PRR16: variants seen among roughly 807,000 people sequenced by gnomAD.
PRR16 encodes the protein protein Largen.
PRR16 carries 6 observed loss-of-function variants against 18.2 expected under a neutral mutation model. The observed-to-expected ratio is 0.33, with a 90% CI of 0.18 to 0.65. The LOEUF is 0.65. Ranked by LOEUF, PRR16 falls within the 30% of genes least tolerant of loss-of-function variation. The probability of loss-of-function intolerance (pLI) is 0.74; values close to 1 mark genes in which losing one functional copy is unlikely to be tolerated. For synonymous variants in PRR16, 151 were observed against 147.8 expected, an observed-to-expected ratio of 1.02 and a Z score of -0.16; for missense variants, 412 against 376.6, an observed-to-expected ratio of 1.09 and a Z score of -0.78.
At chr5:120,562,093 A>G (rs1422515581) in intron 1 of PRR16, among the ~76,000 whole-genome samples, 1 of 152,224 alleles carries the variant, frequency 6.6e-6, no homozygotes, top group Admixed American at 6.5e-5. Flanking sequence ...GTCTCCATGT[A>G]TTATTGTATC....
the PRR16 span, among the ~76,000 whole-genome samples, chr5:120,700,619 T>C: frequency 6.6e-6 from 1 of 152,008 alleles, no homozygotes; most frequent in Middle Eastern, 3.4e-3. Context: ...AAGAGTATTG[T>C]CCAAGTTGGC....
chr5:120,642,392 A>G (rs567995474), intron 1 of PRR16, among the ~76,000 whole-genome samples: 1 of 152,196 alleles, frequency 6.6e-6, no homozygotes, highest in South Asian at 2.1e-4. Flanking sequence ...AGAGATGTAA[A>G]GAGATGGTGG....
intron 1 of PRR16, among the ~76,000 whole-genome samples, chr5:120,668,818 A>G (rs1000847817): frequency 6.6e-6 from 1 of 152,248 alleles, no homozygotes; most frequent in African/African-American, 2.4e-5. Flanking sequence ...TTCTGCCGAG[A>G]GATCAGCTGT....
At chr5:120,717,711 TCCTC>T in the PRR16 span, among the ~76,000 whole-genome samples, 1 of 152,148 alleles carries the variant, frequency 6.6e-6, no homozygotes, top group Non-Finnish European at 1.5e-5. Context: ...TGATGTAATA[TCCTC>T]CCTCATCTGC....
At chr5:120,671,597 C>T (rs1306554337) in intron 1 of PRR16, among the ~76,000 whole-genome samples, 1 of 152,054 alleles carries the variant, frequency 6.6e-6, no homozygotes, top group Non-Finnish European at 1.5e-5. Flanking sequence ...GTATAATTTA[C>T]TAAAATTTGC....
intron 1 of PRR16, among the ~76,000 whole-genome samples, chr5:120,489,112 A>T (rs1242117786): frequency 1.3e-5 from 2 of 152,172 alleles, no homozygotes; most frequent in Non-Finnish European, 2.9e-5. Context: ...GTGGTGCTGA[A>T]AAGAATGTAT....
chr5:120,547,492 C>T (rs1366084317), intron 1 of PRR16, among the ~76,000 whole-genome samples: 2 of 152,026 alleles, frequency 1.3e-5, no homozygotes, highest in African/African-American at 2.4e-5. Context: ...AAACTTAGAG[C>T]CTCTGTTTAC....
At chr5:120,571,170 C>A (rs1025297100) in intron 1 of PRR16, among the ~76,000 whole-genome samples, 1 of 152,112 alleles carries the variant, frequency 6.6e-6, no homozygotes, top group Non-Finnish European at 1.5e-5. Context: ...AAAACTAATA[C>A]ACAAACAGAG....
chr5:120,608,747 C>T (rs566417127), intron 1 of PRR16, among the ~76,000 whole-genome samples: 7 of 152,184 alleles, frequency 4.6e-5, no homozygotes, highest in South Asian at 2.1e-4. Flanking sequence ...ACCCCCTAGA[C>T]GGTGTTTCAT....
chr5:120,478,015 A>G (rs1749498445), intron 1 of PRR16, among the ~76,000 whole-genome samples: 1 of 151,970 alleles, frequency 6.6e-6, no homozygotes, highest in Non-Finnish European at 1.5e-5. Context: ...ATACCGAACA[A>G]TTTATTTCTC....
In PRR16 at chr5:120,565,098, C is replaced by T. The variant is rs1001675538; in HGVS notation, c.159+100453C>T. Among the ~76,000 whole-genome samples the T allele has an allele frequency of 4.0e-5, 6 of 151,746 alleles. No homozygotes were observed. In the South Asian group the frequency reaches 1.2e-3, roughly 32 times the overall value. On this transcript the variant is annotated intron_variant, in intron 1 of 1. Transcript: ENST00000407149. ...TAGTTGCTAAAATTTTGTGTTCTTG[C>T]AGTGCAGACACATGGTATAGGATTC...
chr5:120,651,085 T>G (rs1449469205), intron 1 of PRR16, among the ~76,000 whole-genome samples: 42 of 152,234 alleles, frequency 2.8e-4, no homozygotes, highest in Non-Finnish European at 1.5e-5. Flanking sequence ...CCAGTGATGA[T>G]GAGCATTTTT....
At chr5:120,718,166 T>C in the PRR16 span, among the ~76,000 whole-genome samples, 6 of 152,104 alleles carry the variant, frequency 3.9e-5, no homozygotes, top group East Asian at 7.7e-4. Context: ...AATTTTCCCG[T>C]CTAATGTTCA....
intron 1 of PRR16, among the ~76,000 whole-genome samples, chr5:120,486,665 C>T (rs560001151): frequency 6.6e-6 from 1 of 152,162 alleles, no homozygotes; most frequent in Non-Finnish European, 1.5e-5. Flanking sequence ...ATCCCATTTG[C>T]CATTTTTGTC....
intron 1 of PRR16, among the ~76,000 whole-genome samples, chr5:120,497,445 C>T (rs1750291715): frequency 7.7e-6 from 1 of 129,222 alleles, no homozygotes; most frequent in Non-Finnish European, 1.5e-5. Flanking sequence ...AGCTGGAGTG[C>T]AATGGCGTGA....
At chr5:120,573,158 A>G (rs1028884565) in intron 1 of PRR16, among the ~76,000 whole-genome samples, 4 of 152,184 alleles carry the variant, frequency 2.6e-5, no homozygotes, top group Non-Finnish European at 5.9e-5. Context: ...GTCAAATGCT[A>G]AAACTAATGT....
intron 1 of PRR16, among the ~76,000 whole-genome samples, chr5:120,535,230 G>A (rs1751676495): frequency 1.3e-5 from 2 of 152,010 alleles, no homozygotes; most frequent in Admixed American, 1.3e-4. Flanking sequence ...AATATGTTTT[G>A]TAAGATATTT....
chr5:120,706,852 T>C, the PRR16 span, among the ~76,000 whole-genome samples: 1 of 152,162 alleles, frequency 6.6e-6, no homozygotes, highest in African/African-American at 2.4e-5. Flanking sequence ...CTCTAAGCTA[T>C]TGTGGGAAGG....
At chr5:120,600,919 C>T (rs1753960769) in intron 1 of PRR16, among the ~76,000 whole-genome samples, 1 of 151,940 alleles carries the variant, frequency 6.6e-6, no homozygotes, top group African/African-American at 2.4e-5. Context: ...TTTTTTATGG[C>T]TGTGTTATAT....
Sources: gnomAD v4.1 joint callset for allele counts (sites outside exome capture counted in the v4.1 genomes callset) on GRCh38, gnomAD v4.1.1 for gene constraint, MANE v1.5 for transcripts, NCBI Gene and HGNC (gene_info 2026-07-23, HGNC 2026-07-21) for gene names.